The following BBX variants were observed in gnomAD, a reference collection of about 807,000 sequenced individuals.
BBX encodes HMG box transcription factor BBX.
BBX carries 30 observed loss-of-function variants against 100.2 expected under a neutral mutation model. The observed-to-expected ratio is 0.30, with a 90% CI of 0.22 to 0.41. BBX has a LOEUF of 0.41. Among genes scored for constraint, BBX ranks in the 10% least tolerant of loss-of-function variants. The pLI is 1.00. For synonymous variants in BBX, 376 were observed against 388.1 expected, an observed-to-expected ratio of 0.97 and a Z score of 0.37; for missense variants, 1,023 against 1,129.8, an observed-to-expected ratio of 0.91 and a Z score of 1.35.
intron 3 of BBX, chr3:107,674,768 G>A (rs2059197815): frequency 6.6e-6 from 1 of 152,572 alleles, no homozygotes; most frequent in Non-Finnish European, 1.5e-5. Context: ...TTTAGATTTG[G>A]TCCTATCACT....
At chr3:107,752,051 C>T (rs1312748236) in intron 9 of BBX, among the ~76,000 whole-genome samples, 1 of 152,236 alleles carries the variant, frequency 6.6e-6, no homozygotes, top group Non-Finnish European at 1.5e-5. Flanking sequence ...CACATATTCT[C>T]TGATCTGCTC....
chr3:107,792,186 C>G (rs1346982237), intron 15 of BBX, among the ~76,000 whole-genome samples: 1 of 152,244 alleles, frequency 6.6e-6, no homozygotes, highest in East Asian at 1.9e-4. Flanking sequence ...GAGGCCACCT[C>G]TCCCTTCTTC....
chr3:107,636,194 C>A (rs1012241452), intron 2 of BBX, among the ~76,000 whole-genome samples: 2 of 152,140 alleles, frequency 1.3e-5, no homozygotes, highest in African/African-American at 4.8e-5. Flanking sequence ...AGTGGCCAAG[C>A]CTGGGTGATA....
At chr3:107,781,933 A>C (rs1025243789) in intron 13 of BBX, among the ~76,000 whole-genome samples, 35 of 152,192 alleles carry the variant, frequency 2.3e-4, no homozygotes, top group African/African-American at 8.2e-4. Context: ...AAAAGACAGA[A>C]TCCTCTGTTT....
intron 2 of BBX, among the ~76,000 whole-genome samples, chr3:107,593,985 A>G (rs966638996): frequency 6.6e-6 from 1 of 152,122 alleles, no homozygotes; most frequent in Non-Finnish European, 1.5e-5. Flanking sequence ...GGGCTCTGAT[A>G]TTTTCAGAGG....
At chr3:107,770,900 C>G (rs539576868) in intron 10 of BBX, among the ~76,000 whole-genome samples, 1 of 152,246 alleles carries the variant, frequency 6.6e-6, no homozygotes, top group East Asian at 1.9e-4. Flanking sequence ...AAAAAAGCAT[C>G]TGGTATTTAA....
chr3:107,711,268 C>G (rs755989871), intron 4 of BBX: 3 of 467,012 alleles, frequency 6.4e-6, no homozygotes, highest in South Asian at 4.7e-5. Flanking sequence ...TGTCTGTCTT[C>G]TCTCAGACCA....
intron 13 of BBX, among the ~76,000 whole-genome samples, chr3:107,780,063 G>A (rs2067719229): frequency 6.6e-6 from 1 of 152,134 alleles, no homozygotes; most frequent in South Asian, 2.1e-4. Context: ...TAGAAATAAA[G>A]TAGGCTTGTT....
chr3:107,698,151 C>T (rs1336010578), intron 3 of BBX, among the ~76,000 whole-genome samples: 5 of 151,798 alleles, frequency 3.3e-5, no homozygotes, highest in South Asian at 2.1e-4. Flanking sequence ...AGAAATCACC[C>T]GTCTTCTGGG....
At chr3:107,678,489 C>T (rs1559956460) in intron 3 of BBX, among the ~76,000 whole-genome samples, 2 of 151,976 alleles carry the variant, frequency 1.3e-5, no homozygotes, top group Admixed American at 6.6e-5. Context: ...GGAGGCAAGC[C>T]GAAGCAGGAG....
intron 3 of BBX, among the ~76,000 whole-genome samples, chr3:107,661,673 CCT>C (rs1406542649): frequency 6.6e-6 from 1 of 152,126 alleles, no homozygotes; most frequent in African/African-American, 2.4e-5. Flanking sequence ...CAGCTTCCTC[CCT>C]GTCTGTGATT....
intron 3 of BBX, among the ~76,000 whole-genome samples, chr3:107,683,249 T>TC (rs771153180): frequency 6.6e-6 from 1 of 152,062 alleles, no homozygotes; most frequent in Non-Finnish European, 1.5e-5. Context: ...TTGTTAGAGG[T>TC]CCCCCCTGCT....
At chr3:107,613,407 A>G (rs997927495) in intron 2 of BBX, among the ~76,000 whole-genome samples, 7 of 149,860 alleles carry the variant, frequency 4.7e-5, no homozygotes, top group African/African-American at 1.7e-4. Flanking sequence ...TTATCCTTTT[A>G]TTATTTTGAT....
chr3:107,673,483 C>T (rs1215785801), intron 3 of BBX, among the ~76,000 whole-genome samples: 1 of 151,960 alleles, frequency 6.6e-6, no homozygotes, highest in Non-Finnish European at 1.5e-5. Context: ...CCTGCCCACC[C>T]CAAAAAACCT....
intron 2 of BBX, among the ~76,000 whole-genome samples, chr3:107,564,180 G>T (rs2050707443): frequency 6.6e-6 from 1 of 151,852 alleles, no homozygotes. Context: ...CCCCTGAAAT[G>T]ACCTGCTTAT....
chr3:107,598,781 T>C (rs2053846076), intron 2 of BBX, among the ~76,000 whole-genome samples: 1 of 152,220 alleles, frequency 6.6e-6, no homozygotes, highest in African/African-American at 2.4e-5. Context: ...ATTCCTCACC[T>C]CAATCCTATT....
At chr3:107,693,452 G>C (rs1295917580) in intron 3 of BBX, among the ~76,000 whole-genome samples, 1 of 151,260 alleles carries the variant, frequency 6.6e-6, no homozygotes, top group Non-Finnish European at 1.5e-5. Context: ...TTATTAAATA[G>C]GGAATCCTTT....
chr3:107,698,037 G>T (rs912860259), intron 3 of BBX, among the ~76,000 whole-genome samples: 1 of 151,966 alleles, frequency 6.6e-6, no homozygotes, highest in East Asian at 1.9e-4. Context: ...GTGAGGCAAT[G>T]CCTCGCCCTG....
intron 2 of BBX, among the ~76,000 whole-genome samples, chr3:107,546,572 T>C (rs2049255855): frequency 1.3e-5 from 2 of 152,192 alleles, no homozygotes; most frequent in Admixed American, 6.5e-5. Context: ...ATCAGAAACA[T>C]GTAGCCTGTC....
Sources: gnomAD v4.1 joint callset for allele counts (sites outside exome capture counted in the v4.1 genomes callset) on GRCh38, gnomAD v4.1.1 for gene constraint, MANE v1.5 for transcripts, NCBI Gene and HGNC (gene_info 2026-07-23, HGNC 2026-07-21) for gene names.